The following MTX2 variants were observed in gnomAD, a reference collection of about 807,000 sequenced individuals.
MTX2 encodes the protein metaxin-2.
Under a neutral mutation model 42.3 loss-of-function variants are expected in MTX2, and 35 were observed. That is an observed-to-expected ratio of 0.83 (90% CI 0.63 to 1.10). The LOEUF (loss-of-function observed/expected upper bound fraction) is 1.10, where lower values mean the gene tolerates loss of function less well. MTX2 is among the 50% of genes least tolerant of loss of function. The pLI is 0.00. For synonymous variants in MTX2, 119 were observed against 100.9 expected (o/e 1.18, Z -1.08); for missense variants, 307 against 304.1 (o/e 1.01, Z -0.07).
At position 176,323,468 on chromosome 2, in the gene MTX2, A is replaced by C. The variant is rs1403668159; in HGVS notation, c.208+4A>C. On this transcript the variant is annotated splice_donor_region_variant and intron_variant, in intron 4 of 9. Transcript: ENST00000249442. Reference sequence around the variant, plus strand: ...GCAGAATATATGTCTCCATCTGGTAAGTGTGTTTTTTTTTCTTCTCTGTTA... The same window carrying C: ...GCAGAATATATGTCTCCATCTGGTACGTGTGTTTTTTTTTCTTCTCTGTTA... 2 of 1,607,754 alleles carry C rather than the reference A, an allele frequency of 1.2e-6. No individual in the cohort carries two copies. The highest frequency in any genetic ancestry group is 1.3e-5 in the African/African-American group (1 of 74,688).
chr2:176,278,761 AT>A (rs963592675), intron 1 of MTX2, among the ~76,000 whole-genome samples: 4 of 150,988 alleles, frequency 2.6e-5, no homozygotes, highest in African/African-American at 9.7e-5. Flanking sequence ...CAGGCTTCTC[AT>A]TTTTTTTTCA....
intron 3 of MTX2, among the ~76,000 whole-genome samples, chr2:176,314,708 C>T (rs1426667042): frequency 2.0e-5 from 3 of 152,074 alleles, no homozygotes; most frequent in Non-Finnish European, 4.4e-5. Flanking sequence ...GCCATAATTG[C>T]TGAGATTTTA....
At chr2:176,300,606 C>T (rs1022422902) in intron 3 of MTX2, among the ~76,000 whole-genome samples, 4 of 151,876 alleles carry the variant, frequency 2.6e-5, no homozygotes, top group African/African-American at 9.7e-5. Context: ...TACATATATG[C>T]TCTCAAAGGT....
intron 1 of MTX2, among the ~76,000 whole-genome samples, chr2:176,289,318 A>G (rs1302013568): frequency 1.3e-5 from 2 of 151,990 alleles, no homozygotes; most frequent in African/African-American, 2.4e-5. Context: ...TTTGTTCTCC[A>G]ATGTAAATAC....
At chr2:176,327,344 A>T (rs1390125757) in intron 5 of MTX2, among the ~76,000 whole-genome samples, 2 of 151,082 alleles carry the variant, frequency 1.3e-5, no homozygotes, top group African/African-American at 4.8e-5. Context: ...TTTAATAGTT[A>T]TTAAGGAACA....
intron 3 of MTX2, 39 bp downstream of exon 3, chr2:176,297,934 A>T (rs1683931536): frequency 1.4e-6 from 2 of 1,465,028 alleles, no homozygotes; most frequent in South Asian, 2.8e-5. Context: ...TTCACCCCCT[A>T]GGTGGTTTGC....
chr2:176,293,533 C>T (rs1693372355), intron 1 of MTX2, among the ~76,000 whole-genome samples: 1 of 152,080 alleles, frequency 6.6e-6, no homozygotes, highest in Non-Finnish European at 1.5e-5. Context: ...ATAGTGAGTT[C>T]TCTCTCTGTG....
intron 9 of MTX2, among the ~76,000 whole-genome samples, chr2:176,334,359 T>C (rs1558947194): frequency 1.3e-5 from 2 of 151,874 alleles, no homozygotes; most frequent in African/African-American, 4.8e-5. Context: ...AAGTTCTAAA[T>C]TGGTAAGATA....
chr2:176,304,047 G>T (rs1267932160), intron 3 of MTX2, among the ~76,000 whole-genome samples: 1 of 151,924 alleles, frequency 6.6e-6, no homozygotes, highest in Non-Finnish European at 1.5e-5. Flanking sequence ...AAAAAGGCTA[G>T]AATTTTTCAT....
intron 8 of MTX2, 36 bp downstream of exon 8, chr2:176,329,462 T>C: frequency 6.4e-7 from 1 of 1,574,736 alleles, no homozygotes; most frequent in Non-Finnish European, 8.6e-7. Flanking sequence ...ACCCTCAACT[T>C]TTATGCATTA....
At chr2:176,282,140 T>TTTTTTTTTTTTTTTTG (rs1693095574) in intron 1 of MTX2, among the ~76,000 whole-genome samples, 1 of 142,504 alleles carries the variant, frequency 7.0e-6, no homozygotes, top group Non-Finnish European at 1.5e-5. Context: ...TTTTTTTTTT[T>TTTTTTTTTTTTTTTTG]TTTTTTTTTT....
Position 176,296,907 on chromosome 2 carries a change from G to A in MTX2, c.88G>A (p.Gly30Arg). 1 of 1,612,510 alleles carries A rather than the reference G, an allele frequency of 6.2e-7. No individual in the cohort carries two copies. Among genetic ancestry groups the A allele is most frequent in the South Asian group, 1.1e-5 (1 of 90,986 alleles). Reference protein sequence around the residue: ...ENATLYQQLKGEQILLSDNAA... With the variant: ...ENATLYQQLKREQILLSDNAA... The stretch of plus-strand genomic sequence containing the variant: ...TGCTACATTATATCAGCAATTGAAA[G>A]GTAAGTCTTGTTCACAATTAAAAAT... The change falls in exon 2 of 10, where the codon GGG becomes AGG. Residue 30 changes from glycine (G) to arginine (R), a missense_variant and splice_region_variant. Physicochemically the swap from Gly to Arg is moderately radical, Grantham distance 125. Transcript: ENST00000249442.
chr2:176,300,277 C>G (rs561270377), intron 3 of MTX2, among the ~76,000 whole-genome samples: 2 of 152,154 alleles, frequency 1.3e-5, no homozygotes, highest in Admixed American at 6.5e-5. Flanking sequence ...AACCAGCCAT[C>G]TAATAAATAC....
At chr2:176,304,166 A>G (rs1684090857) in intron 3 of MTX2, 1 of 154,440 alleles carries the variant, frequency 6.5e-6, no homozygotes, top group African/African-American at 2.4e-5. Context: ...AACATCTTTC[A>G]TATAGTTCTA....
intron 1 of MTX2, among the ~76,000 whole-genome samples, chr2:176,287,103 TTTTAAC>T (rs1387755403): frequency 6.6e-6 from 1 of 152,180 alleles, no homozygotes; most frequent in Non-Finnish European, 1.5e-5. Flanking sequence ...ACTTCAGTGT[TTTTAAC>T]TTCAGACATT....
chr2:176,305,464 C>G (rs560926288), intron 3 of MTX2, among the ~76,000 whole-genome samples: 1 of 151,940 alleles, frequency 6.6e-6, no homozygotes, highest in African/African-American at 2.4e-5. Flanking sequence ...TCTGTACTTT[C>G]GACTATTTTA....
rs891938758 is a variant in MTX2, at chr2:176,269,515, A to C, written c.-115A>C. The stretch of plus-strand genomic sequence containing the variant: ...CGCTGCTGTTGGAGTGGGCTTTGCG[A>C]GTCTGAACGTTGGCGGGGCTAGGCT... On this transcript the variant is annotated 5_prime_UTR_variant, in exon 1 of 10. Transcript: ENST00000249442. 122 of 1,194,682 alleles carry C rather than the reference A, an allele frequency of 1.0e-4. 1 individual carries two copies. The African/African-American group carries it at 1.5e-3, about 15-fold the overall frequency. 74.0% of individuals were successfully genotyped at this position (1,194,682 alleles called of 1,614,324 possible).
chr2:176,293,361 G>C (rs1419565503), intron 1 of MTX2, among the ~76,000 whole-genome samples: 2 of 152,138 alleles, frequency 1.3e-5, no homozygotes, highest in Non-Finnish European at 2.9e-5. Context: ...AAATATACCA[G>C]TTACTGTGTA....
At chr2:176,312,501 G>A (rs973626945) in intron 3 of MTX2, among the ~76,000 whole-genome samples, 22 of 151,920 alleles carry the variant, frequency 1.4e-4, no homozygotes, top group Admixed American at 5.2e-4. Flanking sequence ...TTTTTGCTTT[G>A]TTAGAAAAGA....
Sources: gnomAD v4.1 joint callset for allele counts (sites outside exome capture counted in the v4.1 genomes callset) on GRCh38, gnomAD v4.1.1 for gene constraint, MANE v1.5 for transcripts, NCBI Gene and HGNC (gene_info 2026-07-23, HGNC 2026-07-21) for gene names.